Variants in AGK observed in about 807,000 individuals in gnomAD.
AGK encodes acylglycerol kinase.
AGK carries 52 observed loss-of-function variants against 66.4 expected under a neutral mutation model. That is an observed-to-expected ratio of 0.78 (90% CI 0.63 to 0.99). The LOEUF (loss-of-function observed/expected upper bound fraction) is 0.99, where lower values mean the gene tolerates loss of function less well. Ranked by LOEUF, AGK falls within the 50% of genes least tolerant of loss-of-function variation. AGK has a pLI of 0.00. For synonymous variants in AGK, 182 were observed against 181.1 expected, an observed-to-expected ratio of 1.00 and a Z score of -0.04; for missense variants, 451 against 506.6, an observed-to-expected ratio of 0.89 and a Z score of 1.05.
intron 13 of AGK, among the ~76,000 whole-genome samples, chr7:141,647,211 CCT>C (rs1175203529): frequency 1.3e-5 from 2 of 152,126 alleles, no homozygotes; most frequent in African/African-American, 2.4e-5. Flanking sequence ...CCAATCTACT[CCT>C]GTCTTAATTC....
chr7:141,571,933 C>A (rs1465524276), intron 2 of AGK, among the ~76,000 whole-genome samples: 2 of 152,126 alleles, frequency 1.3e-5, no homozygotes, highest in Non-Finnish European at 2.9e-5. Context: ...GAGAAAGCAT[C>A]CTTACAAAGA....
intron 5 of AGK, among the ~76,000 whole-genome samples, chr7:141,609,559 C>G (rs1796535350): frequency 6.6e-6 from 1 of 152,240 alleles, no homozygotes; most frequent in Non-Finnish European, 1.5e-5. Context: ...CTCCTCTCAA[C>G]ACTTCAGTGT....
chr7:141,553,864 A>G (rs1446574881), intron 1 of AGK, among the ~76,000 whole-genome samples: 1 of 152,204 alleles, frequency 6.6e-6, no homozygotes, highest in Non-Finnish European at 1.5e-5. Flanking sequence ...TGGACTTTTA[A>G]GTGGAAACAG....
At chr7:141,604,398 A>ATATT (rs1796409461) in intron 5 of AGK, among the ~76,000 whole-genome samples, 1 of 145,366 alleles carries the variant, frequency 6.9e-6, no homozygotes, top group Non-Finnish European at 1.5e-5. Context: ...ATATATATAT[A>ATATT]TATATACACA....
intron 3 of AGK, chr7:141,594,154 G>C (rs1216607348): frequency 6.6e-6 from 1 of 152,080 alleles, no homozygotes; most frequent in Non-Finnish European, 1.5e-5. Flanking sequence ...GCTCTAAGTT[G>C]TTTTGGAAAT....
At chr7:141,576,414 G>T (rs1475395370) in intron 2 of AGK, among the ~76,000 whole-genome samples, 1 of 151,744 alleles carries the variant, frequency 6.6e-6, no homozygotes, top group African/African-American at 2.4e-5. Context: ...ATTTTAAAGA[G>T]AGCAGGGGTA....
chr7:141,592,351 A>G (rs1049612185), intron 2 of AGK, among the ~76,000 whole-genome samples: 3 of 152,186 alleles, frequency 2.0e-5, no homozygotes, highest in Non-Finnish European at 4.4e-5. Flanking sequence ...GCCTTCTTCC[A>G]TCTTCGCAGC....
At chr7:141,613,741 G>C (rs1347640365) in intron 6 of AGK, among the ~76,000 whole-genome samples, 1 of 152,144 alleles carries the variant, frequency 6.6e-6, no homozygotes, top group East Asian at 1.9e-4. Context: ...TTGTCAATAA[G>C]AACGATTTGT....
intron 2 of AGK, among the ~76,000 whole-genome samples, chr7:141,572,803 T>TGG (rs34781649): frequency 4.6e-5 from 7 of 151,098 alleles, no homozygotes; most frequent in Non-Finnish European, 8.9e-5. Context: ...CGACAGGCTA[T>TGG]GGGGGGGGGA....
chr7:141,619,508 C>G (rs1012631321), intron 8 of AGK, among the ~76,000 whole-genome samples: 2 of 151,864 alleles, frequency 1.3e-5, no homozygotes, highest in African/African-American at 4.8e-5. Context: ...AAACTTCAAC[C>G]CATACCTCAC....
intron 9 of AGK, among the ~76,000 whole-genome samples, chr7:141,627,949 T>G (rs778483008): frequency 1.3e-5 from 2 of 152,208 alleles, no homozygotes; most frequent in African/African-American, 2.4e-5. Flanking sequence ...TGGCACAATC[T>G]TGGCTCACTG....
intron 9 of AGK, among the ~76,000 whole-genome samples, chr7:141,629,521 T>A (rs1210738656): frequency 6.6e-6 from 1 of 152,210 alleles, no homozygotes; most frequent in Non-Finnish European, 1.5e-5. Flanking sequence ...TGCATGCTTT[T>A]TCTGTGTTCA....
chr7:141,641,899 T>C lies in AGK; in HGVS notation c.966T>C (p.Leu322=). ...ELSITTRNNQ[L]DPTSKEDFLN... ...CCATCACAACACGGAATAATCAGCT[T>C]GACCCGACAGTAAGTGTGCTTTTTT... is the stretch of plus-strand genomic sequence containing the variant. The change falls in exon 13 of 16, where the codon CTT becomes CTC. Residue 322 remains leucine, a synonymous_variant. Transcript: ENST00000649286. 6.3e-7 allele frequency: 1 copy of C among 1,576,092 alleles called. No homozygotes were observed. Among genetic ancestry groups the C allele is most frequent in the Non-Finnish European group, 8.6e-7 (1 of 1,159,872 alleles).
At chr7:141,593,031 C>G in intron 2 of AGK, 115 bp from the exon 3 acceptor site, 3 of 830,672 alleles carry the variant, frequency 3.6e-6, no homozygotes, top group Non-Finnish European at 5.8e-6. Flanking sequence ...GGAACTTTCA[C>G]TGGGGTGTTT....
intron 11 of AGK, among the ~76,000 whole-genome samples, chr7:141,640,460 GGAAACTTGA>G (rs1797263394): frequency 6.6e-6 from 1 of 152,096 alleles, no homozygotes; most frequent in South Asian, 2.1e-4. Context: ...TTCACCACCT[GGAAACTTGA>G]GAACAGGGAA....
At position 141,645,622 on chromosome 7, in the gene AGK, G is replaced by C. The variant is rs896877516; in HGVS notation, c.976-3641G>C. On this transcript the variant is annotated intron_variant, in intron 13 of 15. Coordinates refer to ENST00000649286, the MANE Select transcript of AGK (RefSeq NM_018238.4). ...CATCGTCTTTCTTATTTCTGATTTAGAGAGAAAGTCTTCATTGCTTCATGC... is the reference window on the plus strand; with the variant it reads ...CATCGTCTTTCTTATTTCTGATTTACAGAGAAAGTCTTCATTGCTTCATGC... Among the ~76,000 whole-genome samples the C allele has an allele frequency of 3.9e-5, 6 of 152,142 alleles. No homozygotes were observed. The East Asian group carries it at 1.2e-3, about 29-fold the overall frequency.
intron 12 of AGK, 120 bp downstream of exon 12, chr7:141,641,518 C>A: frequency 8.6e-7 from 1 of 1,159,622 alleles, no homozygotes; most frequent in Non-Finnish European, 1.2e-6. Flanking sequence ...TCAGGGATCA[C>A]TGAATTCATC....
chr7:141,589,670 C>T (rs1056106697), intron 2 of AGK, among the ~76,000 whole-genome samples: 6 of 152,046 alleles, frequency 3.9e-5, no homozygotes, highest in Admixed American at 6.6e-5. Flanking sequence ...AAGCGATTCT[C>T]CTGCCTCAGC....
chr7:141,641,223 A>G (rs773924584), intron 11 of AGK, 25 bp from the exon 12 acceptor site: 2 of 1,590,616 alleles, frequency 1.3e-6, no homozygotes, highest in Non-Finnish European at 1.7e-6. Flanking sequence ...TGCATAACAA[A>G]ATTTTTCTCT....
Sources: allele counts gnomAD v4.1 joint callset (sites outside exome capture counted in the v4.1 genomes callset), GRCh38; gene constraint gnomAD v4.1.1; transcripts MANE v1.5; gene names NCBI Gene and HGNC (gene_info 2026-07-23, HGNC 2026-07-21).